The following ZBTB38 variants were observed in gnomAD, a reference collection of about 807,000 sequenced individuals.
ZBTB38 encodes zinc finger and BTB domain-containing protein 38.
In ZBTB38, 20 loss-of-function variants were observed where a neutral mutation model predicts 76.8. The observed-to-expected ratio is 0.26, with a 90% confidence interval of 0.18 to 0.38. ZBTB38 has a LOEUF of 0.38. ZBTB38 is among the 10% of genes least tolerant of loss of function. The probability of loss-of-function intolerance (pLI) is 1.00; values close to 1 mark genes in which losing one functional copy is unlikely to be tolerated. For synonymous variants in ZBTB38, 504 were observed against 544.2 expected (o/e 0.93, Z 1.03); for missense variants, 1,082 against 1,482.3 (o/e 0.73, Z 4.43).
chr3:141,340,672 C>T (rs145314978), intron 1 of ZBTB38, among the ~76,000 whole-genome samples: 5,385 of 151,808 alleles, frequency 0.035, 262 homozygotes, highest in Admixed American at 0.13. Context: ...CCGAGGCAGG[C>T]GGATCACGAG....
At chr3:141,434,149 A>G (rs956631474) in intron 5 of ZBTB38, 3 of 975,786 alleles carry the variant, frequency 3.1e-6, no homozygotes, top group Admixed American at 6.1e-5. Context: ...GATACCGTAC[A>G]TTGTAATGAT....
At chr3:141,340,197 T>TA (rs1433650948) in intron 1 of ZBTB38, among the ~76,000 whole-genome samples, 1 of 152,208 alleles carries the variant, frequency 6.6e-6, no homozygotes, top group Non-Finnish European at 1.5e-5. Flanking sequence ...AGTAATTTGT[T>TA]AAAACCTAGT....
chr3:141,325,901 G>A (rs894421013), intron 1 of ZBTB38, among the ~76,000 whole-genome samples: 39 of 152,128 alleles, frequency 2.6e-4, no homozygotes, highest in African/African-American at 9.2e-4. Context: ...TTACCTGTGC[G>A]ATCAATTTTA....
chr3:141,403,636 C>A (rs1953176989), intron 4 of ZBTB38, among the ~76,000 whole-genome samples: 1 of 152,194 alleles, frequency 6.6e-6, no homozygotes, highest in South Asian at 2.1e-4. Flanking sequence ...TAGCCCAGGC[C>A]TTGGAATCAA....
chr3:141,431,253 G>A (rs1329453662), intron 5 of ZBTB38, among the ~76,000 whole-genome samples: 1 of 150,144 alleles, frequency 6.7e-6, no homozygotes, highest in Admixed American at 6.6e-5. Flanking sequence ...AACCCAGGAT[G>A]TGGAGATTGC....
At chr3:141,431,216 C>T (rs1313834646) in intron 5 of ZBTB38, among the ~76,000 whole-genome samples, 6 of 150,364 alleles carry the variant, frequency 4.0e-5, no homozygotes, top group Admixed American at 1.3e-4. Flanking sequence ...CCAGCTACTC[C>T]GGAGGCTGAG....
chr3:141,411,350 C>T lies in ZBTB38; in HGVS notation c.-1+7319C>T, dbSNP rs570539430. On this transcript the variant is annotated intron_variant, in intron 5 of 5. Transcript: ENST00000321464. ...GCATTCTGATCTGTCCCTGCTTAAA[C>T]CTATTTAGTCTGGTCTTATAGTCCC... 4.4e-4 allele frequency among the ~76,000 whole-genome samples: 67 copies of T among 152,306 alleles called. No homozygotes were observed. The South Asian group carries it at 0.012, about 27-fold the overall frequency.
rs116945315 is a variant in ZBTB38, at chr3:141,334,766, G to A, written c.-739+10310G>A. On this transcript the variant is annotated intron_variant, in intron 1 of 7. Coordinates refer to the ZBTB38 transcript ENST00000509842. ...CCTGCTGTAATGACCCCTGATTAAC[G>A]AGTTGATTCTAACCCTGCTGTGCCC... 6.2e-3 allele frequency among the ~76,000 whole-genome samples: 942 copies of A among 152,162 alleles called. 12 individuals carry two copies. The highest frequency in any genetic ancestry group is 0.044 in the East Asian group (229 of 5,176).
chr3:141,364,676 T>TAAAAAAAAAAAAAAAAAAAAA (rs59398877), upstream of ZBTB38, among the ~76,000 whole-genome samples: 2 of 43,438 alleles, frequency 4.6e-5, no homozygotes, highest in Non-Finnish European at 9.5e-5. Flanking sequence ...AAACTACATC[T>TAAAAAAAAAAAAAAAAAAAAA]AAAAAAAAAA....
chr3:141,414,431 C>T (rs2073461700), intron 5 of ZBTB38, among the ~76,000 whole-genome samples: 1 of 152,196 alleles, frequency 6.6e-6, no homozygotes, highest in Non-Finnish European at 1.5e-5. Context: ...AAAGTAAAGA[C>T]CATTGAACCT....
exon 1 of ZBTB38, chr3:141,324,344 G>A (rs955533235): frequency 6.6e-6 from 1 of 152,154 alleles, no homozygotes; most frequent in African/African-American, 2.4e-5. Flanking sequence ...CCCACCCAGG[G>A]TTATTCATGC....
At chr3:141,410,493 C>A (rs1956270129) in intron 5 of ZBTB38, among the ~76,000 whole-genome samples, 2 of 152,136 alleles carry the variant, frequency 1.3e-5, no homozygotes, top group Admixed American at 1.3e-4. Flanking sequence ...TGTCCTAGGC[C>A]CAGTCTGCCA....
At position 141,445,232 on chromosome 3, in the gene ZBTB38, G is replaced by A. The variant is rs376694481; in HGVS notation, c.2844G>A (p.Pro948=). The A allele has an allele frequency of 8.7e-6, 14 of 1,614,028 alleles. No homozygotes were observed. The highest frequency in any genetic ancestry group is 6.7e-5 in the African/African-American group (5 of 74,918). Residue 948 remains proline, a synonymous_variant, in exon 6 of 6, where the codon CCG becomes CCA. Coordinates refer to ENST00000321464, the MANE Select transcript of ZBTB38 (RefSeq NM_001376113.1). The surrounding 1 kb of genome is among the most constrained non-coding windows in gnomAD (Gnocchi z 6.5). ...GGAAGGAGCACGGAAACAGGAGCCC[G>A]AGCCATAAATGTAAATACCCAGCAG... is the stretch of plus-strand genomic sequence containing the variant. ...NWRKEHGNRS[P]SHKCKYPAEL... is the part of the protein sequence containing the mutation.
chr3:141,400,853 G>A (rs1335665828), intron 4 of ZBTB38, among the ~76,000 whole-genome samples: 1 of 152,200 alleles, frequency 6.6e-6, no homozygotes, highest in African/African-American at 2.4e-5. Context: ...GCCTAAAGTG[G>A]CCTTGTAAGC....
chr3:141,428,493 A>AT (rs998940233), intron 5 of ZBTB38, among the ~76,000 whole-genome samples: 20 of 149,314 alleles, frequency 1.3e-4, no homozygotes, highest in South Asian at 4.2e-4. Flanking sequence ...TAGTATTTGC[A>AT]TTTTTTTTTT....
intron 2 of ZBTB38, among the ~76,000 whole-genome samples, chr3:141,370,839 C>A (rs1418295882): frequency 1.3e-5 from 2 of 152,102 alleles, no homozygotes; most frequent in African/African-American, 2.4e-5. Flanking sequence ...TGACAGAATT[C>A]TGCTCCCCCA....
chr3:141,399,542 A>G (rs888702678), intron 4 of ZBTB38, among the ~76,000 whole-genome samples: 3 of 152,144 alleles, frequency 2.0e-5, no homozygotes, highest in African/African-American at 7.2e-5. Context: ...GGAAAGAGAT[A>G]AGCAGCCAAA....
At chr3:141,361,286 A>G (rs377502376) in intron 1 of ZBTB38, among the ~76,000 whole-genome samples, 1 of 152,246 alleles carries the variant, frequency 6.6e-6, no homozygotes, top group East Asian at 1.9e-4. Context: ...CATTCTTTGT[A>G]AGGTAGTCAG....
intron 5 of ZBTB38, chr3:141,432,011 T>G (rs2077720179): frequency 1.2e-6 from 1 of 804,820 alleles, no homozygotes; most frequent in African/African-American, 1.9e-5. Context: ...CTGATGCGTG[T>G]GTTTCTAACA....
Sources: gnomAD v4.1 joint callset for allele counts (sites outside exome capture counted in the v4.1 genomes callset) on GRCh38, gnomAD v4.1.1 for gene constraint, Gnocchi (gnomAD v3.1) non-coding constraint, MANE v1.5 for transcripts, NCBI Gene and HGNC (gene_info 2026-07-23, HGNC 2026-07-21) for gene names.